The following ESYT2 variants were observed in gnomAD, a reference collection of about 807,000 sequenced individuals.
The protein encoded by ESYT2 is extended synaptotagmin-2.
A neutral mutation model predicts 107.2 loss-of-function variants in ESYT2; 54 were observed. The ratio of observed to expected loss-of-function variants is 0.50; its 90% confidence interval spans 0.40 to 0.63. The LOEUF is 0.63. Among genes scored for constraint, ESYT2 ranks in the 30% least tolerant of loss-of-function variants. The probability of loss-of-function intolerance (pLI) is 0.00; values close to 1 mark genes in which losing one functional copy is unlikely to be tolerated. For synonymous variants in ESYT2, 491 were observed against 434.1 expected, an observed-to-expected ratio of 1.13 and a Z score of -1.63; for missense variants, 1,020 against 1,094.5, an observed-to-expected ratio of 0.93 and a Z score of 0.96.
chr7:158,782,523 T>C (rs1340460416), intron 6 of ESYT2, among the ~76,000 whole-genome samples: 18 of 88,592 alleles, frequency 2.0e-4, no homozygotes, highest in African/African-American at 3.7e-4. Flanking sequence ...GTGAGTGGAA[T>C]AGCGAGTGTA....
chr7:158,817,854 T>C (rs1421752027), intron 1 of ESYT2, among the ~76,000 whole-genome samples: 1 of 152,258 alleles, frequency 6.6e-6, no homozygotes, highest in Admixed American at 6.5e-5. Flanking sequence ...TTAATAATTT[T>C]AGCAATTTGA....
intron 9 of ESYT2, 84 bp downstream of exon 9, chr7:158,764,593 G>T: frequency 7.1e-7 from 1 of 1,404,052 alleles, no homozygotes; most frequent in South Asian, 1.4e-5. Flanking sequence ...ACACTCCCAC[G>T]TGACTGTGCT....
chr7:158,777,290 C>T (rs549207139), intron 6 of ESYT2, among the ~76,000 whole-genome samples: 2 of 152,234 alleles, frequency 1.3e-5, no homozygotes, highest in South Asian at 4.1e-4. Context: ...GAGAGGGAGA[C>T]ATAGGAGAAC....
chr7:158,806,459 A>G (rs1355046694), intron 1 of ESYT2, among the ~76,000 whole-genome samples: 1 of 152,216 alleles, frequency 6.6e-6, no homozygotes, highest in Non-Finnish European at 1.5e-5. Flanking sequence ...GCCCCCTTTT[A>G]GTGCATGCGT....
chr7:158,779,862 C>G, intron 6 of ESYT2, among the ~76,000 whole-genome samples: 1 of 152,316 alleles, frequency 6.6e-6, no homozygotes, highest in East Asian at 1.9e-4. Context: ...AGCTTATGAA[C>G]AAGGGGTTCT....
At chr7:158,773,487 TG>T in intron 6 of ESYT2, 91 bp from the exon 7 acceptor site, 1 of 1,287,794 alleles carries the variant, frequency 7.8e-7, no homozygotes, top group Non-Finnish European at 1.1e-6. Context: ...GTAGACAAAA[TG>T]GGTTAGTACA....
rs139663482 is a variant in ESYT2 at position 158,776,225 on chromosome 7, G to T, written c.748-2829C>A. ...TAGCGTGATTCTTAAGGGCCCAAGG[G>T]TCTTCAGAATGGGAAATGAGTGCTT... On this transcript the variant is annotated intron_variant, in intron 6 of 22. Transcript: ENST00000275418. Among the ~76,000 whole-genome samples the T allele has an allele frequency of 7.6e-3, 1,161 of 151,794 alleles. 20 individuals are homozygous for T. Among genetic ancestry groups the T allele is most frequent in the African/African-American group, 0.026 (1,095 of 41,362 alleles).
chr7:158,757,674 A>G (rs2129472006), intron 13 of ESYT2, among the ~76,000 whole-genome samples: 1 of 150,720 alleles, frequency 6.6e-6, no homozygotes, highest in South Asian at 2.1e-4. Flanking sequence ...GGCTCTGCAA[A>G]GATCCTTTGC....
chr7:158,773,770 T>C (rs1384605000), intron 6 of ESYT2, among the ~76,000 whole-genome samples: 2 of 152,202 alleles, frequency 1.3e-5, no homozygotes, highest in Non-Finnish European at 2.9e-5. Flanking sequence ...AAAGTGAGAT[T>C]TTGGGGTCAA....
At chr7:158,753,535 T>G (rs2129471820) in intron 13 of ESYT2, among the ~76,000 whole-genome samples, 1 of 152,226 alleles carries the variant, frequency 6.6e-6, no homozygotes, top group Admixed American at 6.5e-5. Flanking sequence ...TATTCAAGAT[T>G]AAAGAATTTA....
intron 19 of ESYT2, 54 bp from the exon 20 acceptor site, chr7:158,737,233 A>C: frequency 6.3e-7 from 1 of 1,579,006 alleles, no homozygotes; most frequent in African/African-American, 1.4e-5. Flanking sequence ...AAAGAGAATG[A>C]GCAGCACATT....
At chr7:158,737,390 G>A (rs904242359) in intron 19 of ESYT2, among the ~76,000 whole-genome samples, 7 of 152,152 alleles carry the variant, frequency 4.6e-5, no homozygotes, top group Admixed American at 6.5e-5. Context: ...TCTCAGCAGC[G>A]ACTTCGGCCT....
At chr7:158,743,290 G>A (rs1837275719) in intron 17 of ESYT2, among the ~76,000 whole-genome samples, 1 of 152,166 alleles carries the variant, frequency 6.6e-6, no homozygotes, top group African/African-American at 2.4e-5. Flanking sequence ...CCGTGGGCCT[G>A]CTCGGGCAAC....
intron 8 of ESYT2, among the ~76,000 whole-genome samples, chr7:158,765,865 T>C (rs933574965): frequency 6.6e-6 from 1 of 152,256 alleles, no homozygotes; most frequent in African/African-American, 2.4e-5. Flanking sequence ...AAGTCACCTT[T>C]TGGTAGGAAG....
chr7:158,756,035 T>A (rs982230548), intron 13 of ESYT2, among the ~76,000 whole-genome samples: 5 of 152,078 alleles, frequency 3.3e-5, no homozygotes, highest in Non-Finnish European at 7.4e-5. Flanking sequence ...ATTAAGTAAA[T>A]AAATAAACAA....
chr7:158,781,572 C>T (rs1214613204), intron 6 of ESYT2, among the ~76,000 whole-genome samples: 1 of 147,622 alleles, frequency 6.8e-6, no homozygotes, highest in Non-Finnish European at 1.5e-5. Flanking sequence ...ACTGTGAGAA[C>T]AAAGTGTGAG....
chr7:158,774,190 T>C (rs571100880), intron 6 of ESYT2, among the ~76,000 whole-genome samples: 3 of 152,338 alleles, frequency 2.0e-5, no homozygotes, highest in African/African-American at 7.2e-5. Context: ...ACCCATATAG[T>C]TGAGTAACAA....
intron 13 of ESYT2, among the ~76,000 whole-genome samples, chr7:158,754,385 T>G (rs1166975580): frequency 6.6e-6 from 1 of 151,912 alleles, no homozygotes; most frequent in African/African-American, 2.4e-5. Flanking sequence ...TTTTTGTATT[T>G]TTTTTTTACT....
rs531314742 is a variant in ESYT2 at position 158,806,012 on chromosome 7, G to C, written c.331-6940C>G. ...CAGCTGTGGCCACCATGGGCCCCAG[G>C]GACACAGGGCTCTTTTGGCCTGAAG... On this transcript the variant is annotated intron_variant, in intron 1 of 22. Coordinates refer to ENST00000275418, the MANE Select transcript of ESYT2 (RefSeq NM_001367773.1). Among the ~76,000 whole-genome samples the C allele has an allele frequency of 1.7e-3, 257 of 152,270 alleles. 1 individual carries two copies. The highest frequency in any genetic ancestry group is 6.9e-3 in the Middle Eastern group (2 of 290).
Sources: allele counts gnomAD v4.1 joint callset (sites outside exome capture counted in the v4.1 genomes callset), GRCh38; gene constraint gnomAD v4.1.1; transcripts MANE v1.5; gene names NCBI Gene and HGNC (gene_info 2026-07-23, HGNC 2026-07-21).